The following SMAD7 variants were observed in gnomAD, a reference collection of about 807,000 sequenced individuals.
SMAD7 encodes the protein SMAD family member 7, also known as MAD (mothers against decapentaplegic, Drosophila) homolog 7.
Under a neutral mutation model 38.7 loss-of-function variants are expected in SMAD7, and 8 were observed. That is an observed-to-expected ratio of 0.21 (90% CI 0.12 to 0.37). SMAD7 has a LOEUF of 0.37. SMAD7 is among the 10% of genes least tolerant of loss of function. SMAD7 has a pLI of 1.00. For synonymous variants in SMAD7, 327 were observed against 265.1 expected, an observed-to-expected ratio of 1.23 and a Z score of -2.27; for missense variants, 477 against 577.9, an observed-to-expected ratio of 0.83 and a Z score of 1.79.
chr18:48,921,841 G>T lies in SMAD7; in HGVS notation c.812C>A (p.Thr271Lys). 6.2e-7 allele frequency: 1 copy of T among 1,613,628 alleles called. No homozygotes were observed. The highest frequency in any genetic ancestry group is 8.5e-7 in the Non-Finnish European group (1 of 1,179,920). Residue 271 changes from threonine to lysine, a missense_variant, in exon 4 of 4, where the codon ACG becomes AAG. Coordinates refer to ENST00000262158, the MANE Select transcript of SMAD7 (RefSeq NM_005904.4). This position sits in a 1 kb window ranked among gnomAD's most constrained non-coding sequence, Gnocchi z 6.4. ...GACACAGTAGAGCCTCCCCACTCTC[G>T]TCTTCTCCTCCCAGTATGCCACCAC... is the stretch of plus-strand genomic sequence containing the variant. ...WCVVAYWEEKTRVGRLYCVQE... is the reference protein window; with the variant it reads ...WCVVAYWEEKKRVGRLYCVQE...
At chr18:48,932,105 T>G (rs1395172314) in intron 3 of SMAD7, among the ~76,000 whole-genome samples, 5 of 152,178 alleles carry the variant, frequency 3.3e-5, no homozygotes, top group Non-Finnish European at 5.9e-5. Context: ...TCTTGGTTAC[T>G]GATTCATGAG....
intron 3 of SMAD7, 110 bp from the exon 4 acceptor site, chr18:48,922,020 G>A (rs1019607039): frequency 1.4e-5 from 12 of 841,948 alleles, no homozygotes; most frequent in East Asian, 5.1e-5. Context: ...CTCTCAGGAC[G>A]AGACAGAAAG....
intron 3 of SMAD7, among the ~76,000 whole-genome samples, chr18:48,938,335 C>T (rs1178257235): frequency 6.6e-6 from 1 of 152,120 alleles, no homozygotes; most frequent in Admixed American, 6.5e-5. Flanking sequence ...AGTTGGCCAC[C>T]CTTGGGTTGG....
intron 3 of SMAD7, among the ~76,000 whole-genome samples, chr18:48,934,998 C>CA (rs1568301765): frequency 2.0e-5 from 3 of 152,300 alleles, no homozygotes; most frequent in East Asian, 3.9e-4. Context: ...CCACCCCTAT[C>CA]AAAAAATGTC....
At chr18:48,931,638 T>C (rs1444874845) in intron 3 of SMAD7, among the ~76,000 whole-genome samples, 1 of 152,234 alleles carries the variant, frequency 6.6e-6, no homozygotes, top group Non-Finnish European at 1.5e-5. Context: ...GGGGGATCAT[T>C]CCCACACCCC....
chr18:48,925,778 G>A (rs141732620), intron 3 of SMAD7, among the ~76,000 whole-genome samples: 277 of 150,960 alleles, frequency 1.8e-3, no homozygotes, highest in African/African-American at 5.7e-3. Context: ...ATGGAGTCTC[G>A]CTCTGTCGCC....
In SMAD7 at chr18:48,921,159, A is replaced by T. The variant is rs1449260248; in HGVS notation, c.*213T>A. The T allele has an allele frequency of 1.6e-5, 9 of 562,408 alleles. No individual in the cohort carries two copies. The highest frequency in any genetic ancestry group is 1.5e-4 in the African/African-American group (8 of 53,048). The allele number at this position is 562,408 out of a possible 1,614,324, so 34.8% of individuals were successfully genotyped here. ...ATCATACCTGCCCCTTCTTCCAAAA[A>T]AACCCCCAACAATTCTTTTCATAAG... On this transcript the variant is annotated 3_prime_UTR_variant, in exon 4 of 4. Coordinates refer to ENST00000262158, the MANE Select transcript of SMAD7 (RefSeq NM_005904.4). This position sits in a 1 kb window ranked among gnomAD's most constrained non-coding sequence, Gnocchi z 6.4.
intron 2 of SMAD7, 85 bp from the exon 3 acceptor site, chr18:48,942,640 T>A: frequency 6.2e-7 from 1 of 1,602,446 alleles, no homozygotes; most frequent in Non-Finnish European, 8.5e-7. Context: ...CTAAACAGCA[T>A]GAAAGACAAA....
chr18:48,942,273 G>C (rs78886805), intron 3 of SMAD7, among the ~76,000 whole-genome samples: 3,049 of 152,262 alleles, frequency 0.02, 58 homozygotes, highest in Non-Finnish European at 0.033. Context: ...TCCACGGAAC[G>C]GATCCAGTGT....
rs762235293 is a variant in SMAD7, at chr18:48,921,810, C to T, written c.843G>A (p.Glu281=). Residue 281 remains glutamate (E), a synonymous_variant, in exon 4 of 4, where the codon GAG becomes GAA. Coordinates refer to ENST00000262158, the MANE Select transcript of SMAD7 (RefSeq NM_005904.4). This position sits in a 1 kb window ranked among gnomAD's most constrained non-coding sequence, Gnocchi z 6.4. ...GATCATAGAAGATATCCAGAGAGGG[C>T]TCCTGGACACAGTAGAGCCTCCCCA... The part of the protein sequence containing the change: ...TRVGRLYCVQ[E]PSLDIFYDLP... 6.2e-7 allele frequency: 1 copy of T among 1,613,902 alleles called. No homozygotes were observed. Among genetic ancestry groups the T allele is most frequent in the East Asian group, 2.2e-5 (1 of 44,882 alleles).
In SMAD7 at chr18:48,950,492, TGAA is replaced by T. The variant is rs2070251381; in HGVS notation, c.-71_-69del. The T allele has an allele frequency of 7.0e-7, 1 of 1,427,578 alleles. No homozygotes were observed. Among genetic ancestry groups the T allele is most frequent in the South Asian group, 1.4e-5 (1 of 71,534 alleles). 88.4% of individuals were successfully genotyped at this position (1,427,578 alleles called of 1,614,324 possible). A position where few individuals can be genotyped will look rare whatever the true frequency, so the allele number is the denominator to read the frequency against. ...GAGCGAACATGACCTCCGCACACCATGAAGAAGTCGGGCGCCGAGTTGGGGCAG... is the reference window on the plus strand; with the variant it reads ...GAGCGAACATGACCTCCGCACACCATGAAGTCGGGCGCCGAGTTGGGGCAG... On this transcript the variant is annotated 5_prime_UTR_variant, in exon 1 of 4. Coordinates refer to ENST00000262158, the MANE Select transcript of SMAD7 (RefSeq NM_005904.4).
rs1203261985 is a variant in SMAD7 at position 48,919,860 on chromosome 18, T to A, written c.*1512A>T. 6.6e-6 allele frequency: 1 copy of A among 152,626 alleles called. No individual in the cohort carries two copies. Among genetic ancestry groups the A allele is most frequent in the Non-Finnish European group, 1.5e-5 (1 of 68,028 alleles). The allele number at this position is 152,626 out of a possible 1,614,324, so 9.5% of individuals were successfully genotyped here. ...TTGGAGGACAACATGAAATCAAGTG[T>A]ACATTTTAAAAATCGTTTAATGGAA... On this transcript the variant is annotated 3_prime_UTR_variant, in exon 4 of 4. Transcript: ENST00000262158.
chr18:48,950,073 G>T lies in SMAD7; in HGVS notation c.352C>A (p.Arg118Ser). ...LELLLQAVES[R>S]GGTRTACLLL... is the part of the protein sequence containing the mutation. ...AGGCACGCGGTGCGCGTCCCGCCGC[G>T]GGACTCCACGGCCTGGAGCAGCAGC... Residue 118 changes from arginine (R) to serine (S), a missense_variant, in exon 1 of 4, where the codon CGC becomes AGC. Arg to Ser is a moderately radical substitution (Grantham distance 110, BLOSUM62 -1). Around this residue, in one of 2 missense-constraint regions of SMAD7, gnomAD observed 376 missense variants for 379.4 expected, o/e 0.99. Transcript: ENST00000262158. 2.1e-6 allele frequency: 3 copies of T among 1,451,474 alleles called. No individual in the cohort carries two copies. The highest frequency in any genetic ancestry group is 2.7e-6 in the Non-Finnish European group (3 of 1,105,136). 89.9% of individuals were successfully genotyped at this position (1,451,474 alleles called of 1,614,324 possible).
chr18:48,931,776 GC>G (rs1219657215), intron 3 of SMAD7, among the ~76,000 whole-genome samples: 7 of 152,282 alleles, frequency 4.6e-5, no homozygotes, highest in African/African-American at 1.7e-4. Flanking sequence ...CATGTGGCCA[GC>G]CAGGGGCTGA....
At chr18:48,932,167 A>C (rs181166594) in intron 3 of SMAD7, among the ~76,000 whole-genome samples, 2 of 152,310 alleles carry the variant, frequency 1.3e-5, no homozygotes, top group African/African-American at 4.8e-5. Flanking sequence ...CAAGGTCCCC[A>C]GGCCCAGCTC....
intron 2 of SMAD7, chr18:48,942,823 T>C: frequency 1.6e-6 from 2 of 1,269,510 alleles, no homozygotes; most frequent in South Asian, 3.6e-5. Flanking sequence ...GAATTTCTCT[T>C]GCATTACCAG....
In SMAD7 at chr18:48,937,264, A is replaced by ATGTGTGTGTGTGTGTG. The variant is rs71165354; in HGVS notation, c.742+5201_742+5216dup. The stretch of plus-strand genomic sequence containing the variant: ...CAGTCAGGCTTTGCTAAGTAAAGGC[A>ATGTGTGTGTGTGTGTG]TGTGTGTGTGTGTGTGTGTGTGTGT... On this transcript the variant is annotated intron_variant, in intron 3 of 3. Transcript: ENST00000262158. Among the ~76,000 whole-genome samples the ATGTGTGTGTGTGTGTG allele has an allele frequency of 6.5e-3, 783 of 119,846 alleles. 15 individuals carry two copies. Among genetic ancestry groups the ATGTGTGTGTGTGTGTG allele is most frequent in the African/African-American group, 0.013 (394 of 29,862 alleles). The allele number at this position is 119,846 out of a possible 152,430, so 78.6% of individuals were successfully genotyped here.
At chr18:48,947,053 C>A (rs762865519) in intron 2 of SMAD7, among the ~76,000 whole-genome samples, 16 of 152,160 alleles carry the variant, frequency 1.1e-4, no homozygotes. Context: ...ATTCTTTAAG[C>A]CAAAACCCAG....
intron 2 of SMAD7, among the ~76,000 whole-genome samples, chr18:48,943,683 A>C (rs1483483959): frequency 6.6e-6 from 1 of 152,184 alleles, no homozygotes; most frequent in Non-Finnish European, 1.5e-5. Flanking sequence ...ACCCCAGGCC[A>C]CCAGGACAAT....
Sources: allele counts gnomAD v4.1 joint callset (sites outside exome capture counted in the v4.1 genomes callset), GRCh38; gene constraint gnomAD v4.1.1; regional missense constraint gnomAD v4.1.1; non-coding constraint Gnocchi (gnomAD v3.1); transcripts MANE v1.5; gene names NCBI Gene and HGNC (gene_info 2026-07-23, HGNC 2026-07-21).